Variants in SMARCA4 observed in about 807,000 individuals in gnomAD.
The protein encoded by SMARCA4 is SWI/SNF-related matrix-associated actin-dependent regulator of chromatin subfamily A member 4.
Under a neutral mutation model 193.9 loss-of-function variants are expected in SMARCA4, and 31 were observed. That is an observed-to-expected ratio of 0.16 (90% CI 0.12 to 0.22). The LOEUF (loss-of-function observed/expected upper bound fraction) is 0.22. Ranked by LOEUF, SMARCA4 falls within the 10% of genes least tolerant of loss-of-function variation. SMARCA4 has a pLI of 1.00. For synonymous variants in SMARCA4, 942 were observed against 933.1 expected (o/e 1.01, Z -0.17); for missense variants, 1,148 against 2,296.0 (o/e 0.50, Z 10.22).
chr19:11,001,361 T>G (rs2087616544), intron 11 of SMARCA4, among the ~76,000 whole-genome samples: 1 of 152,080 alleles, frequency 6.6e-6, no homozygotes, highest in Non-Finnish European at 1.5e-5. Context: ...CCCAGCTGAT[T>G]GGGAGCCAGA....
intron 30 of SMARCA4, among the ~76,000 whole-genome samples, chr19:11,051,662 T>C (rs1410634165): frequency 6.6e-6 from 1 of 152,036 alleles, no homozygotes; most frequent in African/African-American, 2.4e-5. Flanking sequence ...AGCTAATTTT[T>C]GTATTTTTAG....
intron 1 of SMARCA4, among the ~76,000 whole-genome samples, chr19:10,973,439 C>T (rs2145560305): frequency 6.6e-6 from 1 of 151,588 alleles, no homozygotes; most frequent in East Asian, 1.9e-4. Context: ...GTCTCGCTGT[C>T]ACCCAGGCTA....
intron 30 of SMARCA4, among the ~76,000 whole-genome samples, chr19:11,044,356 GA>G (rs1216174158): frequency 6.6e-6 from 1 of 152,152 alleles, no homozygotes; most frequent in Non-Finnish European, 1.5e-5. Context: ...AAACAATTGA[GA>G]AATTAGACCT....
At position 10,996,340 on chromosome 19, in the gene SMARCA4, C is replaced by T. The variant is rs2145973200; in HGVS notation, c.1721C>T (p.Ala574Val). ...GAGCTGGTGCGGCAGCACAAGGCTG[C>T]CCAGGTCGCCAAGGAGAAAAAGAAG... ...LTELVRQHKA[A>V]QVAKEKKKKK... Residue 574 changes from alanine to valine, a missense_variant, in exon 10 of 35, where the codon GCC (alanine) becomes GTC (valine). By Grantham distance (64) the Ala-to-Val change is moderately conservative (BLOSUM62 0). Coordinates refer to ENST00000344626, the MANE Select transcript of SMARCA4 (RefSeq NM_003072.5). 1.9e-6 allele frequency: 3 copies of T among 1,614,200 alleles called. No homozygotes were observed. Among genetic ancestry groups the T allele is most frequent in the Admixed American group, 3.3e-5 (2 of 60,018 alleles).
rs2145731606 is a variant in SMARCA4 at position 10,984,473 on chromosome 19, C to T, written c.222+100C>T. 1 of 1,545,256 alleles carries T rather than the reference C, an allele frequency of 6.5e-7. No homozygotes were observed. Among genetic ancestry groups the T allele is most frequent in the Non-Finnish European group, 8.7e-7 (1 of 1,144,720 alleles). On this transcript the variant is annotated intron_variant, in intron 2 of 34. Coordinates refer to ENST00000344626, the MANE Select transcript of SMARCA4 (RefSeq NM_003072.5). This position sits in a 1 kb window ranked among gnomAD's most constrained non-coding sequence, Gnocchi z 4.3. ...CCTTACTTGGAGGATGGGGGGAAGC[C>T]TTCTTGTTGGAGGTGTCCTGCCTTG... is the stretch of plus-strand genomic sequence containing the variant.
chr19:10,961,724 G>A (rs1289454220), intron 1 of SMARCA4: 1 of 152,188 alleles, frequency 6.6e-6, no homozygotes, highest in East Asian at 1.9e-4. Context: ...AGATTTTCAA[G>A]GAAAGGTAAA....
At chr19:10,961,973 T>TA (rs2083844896) in intron 1 of SMARCA4, among the ~76,000 whole-genome samples, 1 of 100,252 alleles carries the variant, frequency 1.0e-5, no homozygotes, top group African/African-American at 4.1e-5. Context: ...CCAGTCTTGA[T>TA]TTTTTTTTTT....
chr19:11,054,478 G>A (rs1422063595), intron 30 of SMARCA4, among the ~76,000 whole-genome samples: 2 of 152,192 alleles, frequency 1.3e-5, no homozygotes, highest in South Asian at 2.1e-4. Context: ...TGACAGGAGC[G>A]CATCTTTAGC....
intron 1 of SMARCA4, 167 bp downstream of exon 1, chr19:10,961,341 G>A (rs1164689045): frequency 6.7e-6 from 1 of 150,050 alleles, no homozygotes. Context: ...CGCGCGTGGG[G>A]AAGGCCACAG....
rs551129192 is a variant in SMARCA4 at position 11,058,704 on chromosome 19, C to T, written c.4534-84C>T. ...CTCATAGGCACGAGGAATCCTAGCC[C>T]GTGGGGTCTCCAGCACACAGCCAGG... is the stretch of plus-strand genomic sequence containing the variant. On this transcript the variant is annotated intron_variant, in intron 31 of 34. Transcript: ENST00000344626. The surrounding 1 kb of genome is among the most constrained non-coding windows in gnomAD (Gnocchi z 5.8). 13 of 1,170,056 alleles carry T rather than the reference C, an allele frequency of 1.1e-5. No homozygotes were observed. Among genetic ancestry groups the T allele is most frequent in the Middle Eastern group, 1.9e-4 (1 of 5,232 alleles). The allele number at this position is 1,170,056 out of a possible 1,614,324, so 72.5% of individuals were successfully genotyped here.
intron 1 of SMARCA4, among the ~76,000 whole-genome samples, chr19:10,972,571 G>C (rs1465725249): frequency 6.6e-6 from 1 of 152,122 alleles, no homozygotes; most frequent in African/African-American, 2.4e-5. Context: ...TTCGTATTTG[G>C]GGGTAGTCAT....
chr19:11,003,499 G>C, intron 13 of SMARCA4, 102 bp downstream of exon 13: 1 of 1,154,434 alleles, frequency 8.7e-7, no homozygotes, highest in Non-Finnish European at 1.3e-6. Flanking sequence ...GGCATCTTGT[G>C]GGGCAGGGAA....
At chr19:11,020,020 T>C (rs2089719694) in intron 18 of SMARCA4, among the ~76,000 whole-genome samples, 1 of 152,184 alleles carries the variant, frequency 6.6e-6, no homozygotes, top group South Asian at 2.1e-4. Flanking sequence ...AGAGTCCCCA[T>C]GGGGCCTTGG....
At chr19:10,976,460 G>C (rs1225907044) in intron 1 of SMARCA4, among the ~76,000 whole-genome samples, 1 of 152,074 alleles carries the variant, frequency 6.6e-6, no homozygotes, top group African/African-American at 2.4e-5. Context: ...TTGTGGGTCA[G>C]GCACTGTGGC....
chr19:10,974,214 T>A (rs539210220), intron 1 of SMARCA4, among the ~76,000 whole-genome samples: 5 of 152,256 alleles, frequency 3.3e-5, no homozygotes, highest in Non-Finnish European at 7.4e-5. Context: ...CCGCAGTGCT[T>A]TAAGACAAAA....
At chr19:10,968,449 G>A (rs1568392817) in intron 1 of SMARCA4, among the ~76,000 whole-genome samples, 1 of 152,134 alleles carries the variant, frequency 6.6e-6, no homozygotes, top group South Asian at 2.1e-4. Flanking sequence ...AGAGTAGCAC[G>A]GGCCCCGTTT....
chr19:11,059,972 C>T (rs2076765529), intron 33 of SMARCA4, 73 bp from the exon 34 acceptor site: 4 of 1,612,338 alleles, frequency 2.5e-6, no homozygotes, highest in Admixed American at 1.7e-5. Flanking sequence ...CTCCCGGCTC[C>T]CAGACGCCCC....
At chr19:11,000,984 GGGTTT>G (rs1261055308) in intron 11 of SMARCA4, among the ~76,000 whole-genome samples, 1 of 151,994 alleles carries the variant, frequency 6.6e-6, no homozygotes, top group Non-Finnish European at 1.5e-5. Context: ...TGCTGCTTGT[GGGTTT>G]TCTTGTTCTC....
In SMARCA4 at chr19:10,986,541, T is replaced by TGGCCCC. The variant is rs1555753732; in HGVS notation, c.714_719dup (p.Gly243_Pro244dup). The TGGCCCC allele has an allele frequency of 9.1e-6, 14 of 1,540,474 alleles. No homozygotes were observed. Among genetic ancestry groups the TGGCCCC allele is most frequent in the East Asian group, 7.3e-5 (3 of 40,900 alleles). Reference sequence around the variant, plus strand: ...CAGGACCCGGCCCTGGCCCTGGCCCTGGCCCCGGCCCGGGTCCCGGCCCGG... The same window carrying TGGCCCC: ...CAGGACCCGGCCCTGGCCCTGGCCCTGGCCCCGGCCCCGGCCCGGGTCCCGGCCCGG... On this transcript the variant is annotated inframe_insertion, in exon 4 of 35. Coordinates refer to ENST00000344626, the MANE Select transcript of SMARCA4 (RefSeq NM_003072.5). This position sits in a 1 kb window ranked among gnomAD's most constrained non-coding sequence, Gnocchi z 6.7.
Sources: allele counts gnomAD v4.1 joint callset (sites outside exome capture counted in the v4.1 genomes callset), GRCh38; gene constraint gnomAD v4.1.1; non-coding constraint Gnocchi (gnomAD v3.1); transcripts MANE v1.5; gene names NCBI Gene and HGNC (gene_info 2026-07-23, HGNC 2026-07-21).